SDCCAG8: variants seen among roughly 807,000 people sequenced by gnomAD.
SDCCAG8 encodes serologically defined colon cancer antigen 8.
Under a neutral mutation model 101.8 loss-of-function variants are expected in SDCCAG8, and 74 were observed. That is an observed-to-expected ratio of 0.73 (90% CI 0.60 to 0.88). The LOEUF (loss-of-function observed/expected upper bound fraction) is 0.88, where lower values mean the gene tolerates loss of function less well. Ranked by LOEUF, SDCCAG8 falls within the 40% of genes least tolerant of loss-of-function variation. The pLI is 0.00. For synonymous variants in SDCCAG8, 281 were observed against 292.9 expected (o/e 0.96, Z 0.41); for missense variants, 787 against 822.6 (o/e 0.96, Z 0.53).
At chr1:243,267,282 G>A (rs1352415764) in intron 1 of SDCCAG8, 2 of 207,786 alleles carry the variant, frequency 9.6e-6, no homozygotes, top group Non-Finnish European at 1.9e-5. Flanking sequence ...GGAATTCCAG[G>A]AATCTTATGG....
At chr1:243,456,501 C>T (rs1369901862) in intron 16 of SDCCAG8, among the ~76,000 whole-genome samples, 1 of 152,026 alleles carries the variant, frequency 6.6e-6, no homozygotes, top group Admixed American at 6.6e-5. Flanking sequence ...AATAGTAAAC[C>T]TGTATGAGAG....
chr1:243,288,349 CTG>C (rs1030365385), intron 5 of SDCCAG8, among the ~76,000 whole-genome samples: 2 of 151,880 alleles, frequency 1.3e-5, no homozygotes, highest in Non-Finnish European at 1.5e-5. Context: ...TGATGTACAC[CTG>C]TGGTCCCAAC....
At chr1:243,430,193 A>G (rs2081629426) in intron 16 of SDCCAG8, among the ~76,000 whole-genome samples, 1 of 152,170 alleles carries the variant, frequency 6.6e-6, no homozygotes, top group Non-Finnish European at 1.5e-5. Flanking sequence ...TGAATCGGTA[A>G]GCAGTGGGAT....
At chr1:243,307,732 C>T in intron 7 of SDCCAG8, 1 of 1,379,874 alleles carries the variant, frequency 7.2e-7, no homozygotes. Context: ...CAGGCGGATT[C>T]TAATCTATAT....
rs563064594 is a variant in SDCCAG8, at chr1:243,306,945, G to T, written c.741-1044G>T. Among the ~76,000 whole-genome samples, 101 of 152,134 alleles carry T rather than the reference G, an allele frequency of 6.6e-4. 1 individual carries two copies. The South Asian group carries it at 0.021, about 31-fold the overall frequency. On this transcript the variant is annotated intron_variant, in intron 7 of 17. Transcript: ENST00000366541. ...TCCTCTGTGACAGTGAGCCAGTTAA[G>T]ATGGCCACAGCACCTGAGCGTGGAG...
Position 243,267,309 on chromosome 1 carries a change from C to A in SDCCAG8, c.68-2796C>A, listed in dbSNP as rs187886032. On this transcript the variant is annotated intron_variant, in intron 1 of 17. Transcript: ENST00000366541. ...ATCTTATGGATTCTTCTTTTAAGGT[C>A]CCGGTCACTGGGCGTGGTGGCTTAC... The A allele has an allele frequency of 3.9e-3, 887 of 227,328 alleles. 4 individuals carry two copies. Among genetic ancestry groups the A allele is most frequent in the Non-Finnish European group, 6.3e-3 (721 of 114,550 alleles). 14.1% of individuals were successfully genotyped at this position (227,328 alleles called of 1,614,324 possible).
intron 10 of SDCCAG8, among the ~76,000 whole-genome samples, chr1:243,331,445 C>G (rs2074586849): frequency 6.6e-6 from 1 of 152,178 alleles, no homozygotes; most frequent in African/African-American, 2.4e-5. Context: ...TGATAATTAA[C>G]TTATTCAGTA....
At chr1:243,422,485 A>G (rs1161528119) in intron 15 of SDCCAG8, among the ~76,000 whole-genome samples, 2 of 152,220 alleles carry the variant, frequency 1.3e-5, no homozygotes, top group African/African-American at 4.8e-5. Context: ...TGTTATAAAT[A>G]TTGTTAAATG....
At chr1:243,389,915 C>G (rs1053213424) in intron 13 of SDCCAG8, among the ~76,000 whole-genome samples, 4 of 152,182 alleles carry the variant, frequency 2.6e-5, no homozygotes, top group Non-Finnish European at 5.9e-5. Flanking sequence ...TCTCTTTCAT[C>G]TCTGTGCCCC....
intron 13 of SDCCAG8, among the ~76,000 whole-genome samples, chr1:243,393,787 CAT>C (rs778868619): frequency 6.6e-6 from 1 of 152,266 alleles, no homozygotes; most frequent in Non-Finnish European, 1.5e-5. Flanking sequence ...CTTTCTACCA[CAT>C]ATGTCTTTCA....
At chr1:243,438,725 G>A (rs938087087) in intron 16 of SDCCAG8, among the ~76,000 whole-genome samples, 2 of 152,166 alleles carry the variant, frequency 1.3e-5, no homozygotes, top group South Asian at 2.1e-4. Context: ...TGATGTTAGC[G>A]TTTTCAGTAC....
chr1:243,431,184 G>A (rs1295442596), intron 16 of SDCCAG8, among the ~76,000 whole-genome samples: 2 of 152,182 alleles, frequency 1.3e-5, no homozygotes, highest in African/African-American at 2.4e-5. Flanking sequence ...GTGATAGAGC[G>A]AGACTTTGTC....
intron 16 of SDCCAG8, among the ~76,000 whole-genome samples, chr1:243,485,912 T>A (rs1015309687): frequency 8.3e-6 from 1 of 120,670 alleles, no homozygotes; most frequent in Non-Finnish European, 1.7e-5. Context: ...AAAAAATCAA[T>A]CTCGGGCCGG....
chr1:243,347,682 G>A (rs1011039184), intron 12 of SDCCAG8, among the ~76,000 whole-genome samples: 8 of 152,268 alleles, frequency 5.3e-5, no homozygotes, highest in Admixed American at 3.9e-4. Flanking sequence ...CCTCGCATCC[G>A]AAACCCCAAA....
chr1:243,263,924 C>G (rs2067381861), intron 1 of SDCCAG8, among the ~76,000 whole-genome samples: 1 of 152,224 alleles, frequency 6.6e-6, no homozygotes, highest in East Asian at 1.9e-4. Context: ...TCTTCTGAAC[C>G]AGGCTGAGGC....
At chr1:243,275,823 T>A (rs1429062605) in intron 4 of SDCCAG8, among the ~76,000 whole-genome samples, 2 of 151,038 alleles carry the variant, frequency 1.3e-5, no homozygotes, top group African/African-American at 2.4e-5. Flanking sequence ...TCTTTGGGAA[T>A]GTTTCTATGG....
intron 12 of SDCCAG8, among the ~76,000 whole-genome samples, chr1:243,373,541 A>G (rs927586776): frequency 2.0e-5 from 3 of 152,042 alleles, no homozygotes; most frequent in Non-Finnish European, 2.9e-5. Flanking sequence ...TGTCTGGGCC[A>G]TGGTTGGGGT....
At chr1:243,488,907 C>A in intron 16 of SDCCAG8, 107 bp from the exon 17 acceptor site, 1 of 1,545,896 alleles carries the variant, frequency 6.5e-7, no homozygotes, top group South Asian at 1.1e-5. Context: ...CCTAGGCGTC[C>A]TGCTCATGGT....
chr1:243,426,517 G>T lies in SDCCAG8; in HGVS notation c.1944G>T (p.Gln648His). ...GAAGAAATGAAGAATTGGAGGAACA[G>T]TGTGTCCAGCATGGGAGAGTACATG... Reference protein sequence around the residue: ...LQRRNEELEEQCVQHGRVHET... With the variant: ...LQRRNEELEEHCVQHGRVHET... Residue 648 changes from glutamine (Q) to histidine (H), a missense_variant, in exon 16 of 18, where the codon CAG becomes CAT. Transcript: ENST00000366541. 2 of 1,614,000 alleles carry T rather than the reference G, an allele frequency of 1.2e-6. No individual in the cohort carries two copies. The highest frequency in any genetic ancestry group is 2.2e-5 in the East Asian group (1 of 44,832).
Sources: allele counts gnomAD v4.1 joint callset (sites outside exome capture counted in the v4.1 genomes callset), GRCh38; gene constraint gnomAD v4.1.1; transcripts MANE v1.5; gene names NCBI Gene and HGNC (gene_info 2026-07-23, HGNC 2026-07-21).